Variants in DNAH5 observed in about 807,000 individuals in gnomAD.
The protein encoded by DNAH5 is dynein axonemal heavy chain 5, also known as axonemal beta dynein heavy chain 5.
DNAH5 carries 372 observed loss-of-function variants against 518.2 expected under a neutral mutation model. That is an observed-to-expected ratio of 0.72 (90% CI 0.66 to 0.78). The LOEUF is 0.78. Ranked by LOEUF, DNAH5 falls within the 30% of genes least tolerant of loss-of-function variation. The probability of loss-of-function intolerance (pLI) is 0.00; values close to 1 mark genes in which losing one functional copy is unlikely to be tolerated. For missense variants in DNAH5, 5,523 were observed against 5,687.0 expected (o/e 0.97, Z 0.93); for synonymous variants, 2,039 against 2,025.9 (o/e 1.01, Z -0.17).
intron 51 of DNAH5, among the ~76,000 whole-genome samples, chr5:13,787,327 A>G (rs1446937464): frequency 1.3e-5 from 2 of 152,242 alleles, no homozygotes; most frequent in African/African-American, 2.4e-5. Context: ...ATAACGACTT[A>G]GAATTTCACT....
intron 47 of DNAH5, among the ~76,000 whole-genome samples, chr5:13,804,885 C>T (rs13157188): frequency 0.41 from 62,985 of 152,002 alleles, 13,356 homozygotes; most frequent in East Asian, 0.62. Flanking sequence ...TTCCAGGAAA[C>T]GAGTACATAT....
chr5:13,914,254 G>C (rs886512824), intron 10 of DNAH5, among the ~76,000 whole-genome samples: 1 of 151,982 alleles, frequency 6.6e-6, no homozygotes. Flanking sequence ...TCATCTTAAA[G>C]ATGCTTAAGG....
chr5:13,714,364 G>T, intron 75 of DNAH5, 41 bp downstream of exon 75: 1 of 1,597,304 alleles, frequency 6.3e-7, no homozygotes, highest in Non-Finnish European at 8.6e-7. Flanking sequence ...CCGAAGATAT[G>T]CAACCCCAGC....
At chr5:13,925,620 A>C (rs1279136921) in intron 3 of DNAH5, among the ~76,000 whole-genome samples, 1 of 152,168 alleles carries the variant, frequency 6.6e-6, no homozygotes, top group Non-Finnish European at 1.5e-5. Flanking sequence ...ATTTCCCCTT[A>C]TCAAACCATC....
intron 68 of DNAH5, among the ~76,000 whole-genome samples, chr5:13,733,592 GAGTA>G (rs1330707323): frequency 4.6e-5 from 7 of 152,326 alleles, no homozygotes; most frequent in East Asian, 1.9e-4. Context: ...TATAGCTAAA[GAGTA>G]AGTGTTTAAT....
Position 13,850,698 on chromosome 5 carries a change from G to A in DNAH5, c.5068C>T (p.Pro1690Ser). ...ATTTCCAACTGGTCCAGCAAGTGTG[G>A]TAACAGCTGCCCCAGGGTCTCATCT... ...VGDETLGQLL[P>S]HLLDQLEICQ... Residue 1690 changes from proline to serine, a missense_variant, in exon 31 of 79, where the codon CCA becomes TCA. Coordinates refer to ENST00000265104, the MANE Select transcript of DNAH5 (RefSeq NM_001369.3). 2.5e-6 allele frequency: 4 copies of A among 1,614,052 alleles called. No individual in the cohort carries two copies. The highest frequency in any genetic ancestry group is 3.4e-6 in the Non-Finnish European group (4 of 1,179,962).
chr5:13,914,646 G>A lies in DNAH5; in HGVS notation c.1198-4C>T, dbSNP rs750382999. The A allele has an allele frequency of 1.2e-6, 2 of 1,612,356 alleles. No individual in the cohort carries two copies. The highest frequency in any genetic ancestry group is 2.7e-5 in the African/African-American group (2 of 74,928). On this transcript the variant is annotated splice_polypyrimidine_tract_variant and splice_region_variant and intron_variant, in intron 9 of 78. Transcript: ENST00000265104. ...CAGATATAATCTGATTTGTCACCTG[G>A]GATTTTCCAATAAAATGATGTTAAG...
intron 41 of DNAH5, among the ~76,000 whole-genome samples, chr5:13,819,740 T>C (rs996756938): frequency 2.8e-4 from 42 of 152,210 alleles, no homozygotes; most frequent in Non-Finnish European, 8.8e-5. Flanking sequence ...TAGATGACTT[T>C]AGATGTAAGG....
At chr5:13,750,684 A>G (rs961775324) in intron 65 of DNAH5, among the ~76,000 whole-genome samples, 2 of 152,218 alleles carry the variant, frequency 1.3e-5, no homozygotes, top group African/African-American at 2.4e-5. Context: ...ATAATGAATC[A>G]AATGAAAGAA....
In DNAH5 at chr5:13,855,301, C is replaced by T. The variant is rs1187431113; in HGVS notation, c.4950+4151G>A. On this transcript the variant is annotated intron_variant, in intron 30 of 78. Coordinates refer to ENST00000265104, the MANE Select transcript of DNAH5 (RefSeq NM_001369.3). ...TCGGCTCACTGCAAGCTCCGCCTCC[C>T]GGGTTCACGCCATTCTCCTGCCTCA... 8.9e-5 allele frequency among the ~76,000 whole-genome samples: 5 copies of T among 56,324 alleles called. 1 individual carries two copies. Among genetic ancestry groups the T allele is most frequent in the East Asian group, 3.5e-4 (1 of 2,846 alleles). 37.0% of individuals were successfully genotyped at this position (56,324 alleles called of 152,430 possible).
chr5:13,939,176 C>T (rs569725692), intron 1 of DNAH5, among the ~76,000 whole-genome samples: 1 of 152,136 alleles, frequency 6.6e-6, no homozygotes, highest in African/African-American at 2.4e-5. Flanking sequence ...AACAACAGGC[C>T]CTGGCACACT....
At chr5:13,693,703 C>G (rs10037019) in intron 78 of DNAH5, among the ~76,000 whole-genome samples, 1,625 of 152,256 alleles carry the variant, frequency 0.011, 33 homozygotes, top group African/African-American at 0.037. Context: ...CAAAACAAAG[C>G]GTTACCCAGA....
At chr5:13,817,360 A>T (rs1761575747) in intron 42 of DNAH5, among the ~76,000 whole-genome samples, 188 bp downstream of exon 42, 1 of 152,216 alleles carries the variant, frequency 6.6e-6, no homozygotes, top group African/African-American at 2.4e-5. Context: ...CCTAAAAGGG[A>T]GCATTTTAAA....
chr5:13,943,107 G>T (rs1192938221), intron 1 of DNAH5, among the ~76,000 whole-genome samples: 1 of 152,144 alleles, frequency 6.6e-6, no homozygotes, highest in Non-Finnish European at 1.5e-5. Flanking sequence ...TGTCAAGGAA[G>T]AATAATTCAT....
chr5:13,847,979 C>T (rs1159918178), intron 31 of DNAH5, among the ~76,000 whole-genome samples: 4 of 152,140 alleles, frequency 2.6e-5, no homozygotes, highest in Non-Finnish European at 5.9e-5. Context: ...CTTTCAGAAA[C>T]CCTTTTCTCG....
intron 36 of DNAH5, 99 bp from the exon 37 acceptor site, chr5:13,830,312 T>C: frequency 8.5e-7 from 1 of 1,177,734 alleles, no homozygotes; most frequent in Non-Finnish European, 1.2e-6. Context: ...CAGATGTAAG[T>C]TCATTCAAAA....
intron 1 of DNAH5, among the ~76,000 whole-genome samples, chr5:13,968,248 T>C (rs1365102524): frequency 1.3e-5 from 2 of 152,188 alleles, no homozygotes; most frequent in Admixed American, 6.5e-5. Flanking sequence ...TACTATCATA[T>C]CATCAGAGAA....
chr5:13,857,629 T>C (rs1181890130), intron 30 of DNAH5, among the ~76,000 whole-genome samples: 1 of 152,202 alleles, frequency 6.6e-6, no homozygotes, highest in Non-Finnish European at 1.5e-5. Flanking sequence ...AAGGCTACCG[T>C]AACCAAAACA....
chr5:13,933,746 C>A (rs998640024), intron 1 of DNAH5, among the ~76,000 whole-genome samples: 3 of 146,484 alleles, frequency 2.0e-5, no homozygotes, highest in Non-Finnish European at 4.5e-5. Flanking sequence ...GCCGAGATTG[C>A]ACCATTGCAC....
Sources: allele counts gnomAD v4.1 joint callset (sites outside exome capture counted in the v4.1 genomes callset), GRCh38; gene constraint gnomAD v4.1.1; transcripts MANE v1.5; gene names NCBI Gene and HGNC (gene_info 2026-07-23, HGNC 2026-07-21).